LY75: variants seen among roughly 807,000 people sequenced by gnomAD.
LY75 encodes the protein C-type lectin domain family 13 member B.
In LY75, 185 loss-of-function variants were observed where a neutral mutation model predicts 231.7. The observed-to-expected ratio is 0.80, with a 90% CI of 0.71 to 0.90. LY75 has a LOEUF of 0.90. Among genes scored for constraint, LY75 ranks in the 40% least tolerant of loss-of-function variants. LY75 has a pLI of 0.00. For missense variants in LY75, 1,947 were observed against 2,050.2 expected (o/e 0.95, Z 0.97); for synonymous variants, 668 against 689.0 (o/e 0.97, Z 0.48).
At chr2:159,852,386 C>A in intron 20 of LY75, 46 bp from the exon 21 acceptor site, 2 of 1,568,854 alleles carry the variant, frequency 1.3e-6, no homozygotes, top group South Asian at 2.4e-5. Flanking sequence ...ATTTTTCAGT[C>A]AGTACATTTT....
chr2:159,880,983 T>C, intron 8 of LY75, 100 bp downstream of exon 8: 1 of 1,441,618 alleles, frequency 6.9e-7, no homozygotes, highest in Non-Finnish European at 9.3e-7. Flanking sequence ...TCTTACCTTT[T>C]ATTTTCCAGC....
intron 16 of LY75, 31 bp from the exon 17 acceptor site, chr2:159,854,970 T>C: frequency 1.9e-6 from 3 of 1,613,224 alleles, no homozygotes; most frequent in Non-Finnish European, 2.5e-6. Context: ...GTGGCATTAG[T>C]ATTCCATGAC....
rs992159196 is a variant in LY75 at position 159,833,762 on chromosome 2, G to T, written c.3841+282C>A. 2.0e-4 allele frequency among the ~76,000 whole-genome samples: 31 copies of T among 152,268 alleles called. 1 individual carries two copies. The highest frequency in any genetic ancestry group is 9.2e-4 in the Admixed American group (14 of 15,288). On this transcript the variant is annotated intron_variant, in intron 27 of 34. Coordinates refer to ENST00000263636, the MANE Select transcript of LY75 (RefSeq NM_002349.4). ...CCACATGTCATGGGAGGGACCTGGT[G>T]GGAGGTAATTGAATCTTGAGGGTGG...
intron 16 of LY75, among the ~76,000 whole-genome samples, 171 bp from the exon 17 acceptor site, chr2:159,855,110 T>C (rs550010876): frequency 1.1e-4 from 17 of 152,350 alleles, no homozygotes; most frequent in Middle Eastern, 3.4e-3. Flanking sequence ...GTAGGGCCGA[T>C]GCTAAACCTG....
chr2:159,883,371 G>A (rs1422189718), intron 6 of LY75, among the ~76,000 whole-genome samples: 6 of 150,948 alleles, frequency 4.0e-5, no homozygotes, highest in African/African-American at 1.2e-4. Context: ...TTACACTTGC[G>A]AGATAACTCA....
intron 13 of LY75, among the ~76,000 whole-genome samples, chr2:159,865,446 G>A (rs890553347): frequency 4.6e-5 from 7 of 152,046 alleles, no homozygotes; most frequent in Non-Finnish European, 7.4e-5. Flanking sequence ...AATAATTTAA[G>A]TGATTATACT....
intron 28 of LY75, among the ~76,000 whole-genome samples, chr2:159,820,508 C>G (rs1432673361): frequency 6.6e-6 from 1 of 152,036 alleles, no homozygotes; most frequent in African/African-American, 2.4e-5. Context: ...TAAAATGATA[C>G]AATAGACTCT....
At chr2:159,881,268 GT>G in intron 7 of LY75, 28 bp from the exon 8 acceptor site, 1 of 1,598,574 alleles carries the variant, frequency 6.3e-7, no homozygotes, top group Non-Finnish European at 8.5e-7. Flanking sequence ...TATTTGTTTG[GT>G]TTTGCTCAAT....
intron 28 of LY75, among the ~76,000 whole-genome samples, chr2:159,830,292 T>C (rs1256992229): frequency 3.9e-5 from 6 of 152,198 alleles, no homozygotes; most frequent in African/African-American, 1.4e-4. Context: ...TTTCCTTCCC[T>C]ACCCCTGGTT....
At chr2:159,878,551 T>C in intron 10 of LY75, 58 bp from the exon 11 acceptor site, 2 of 1,612,340 alleles carry the variant, frequency 1.2e-6, no homozygotes, top group South Asian at 2.2e-5. Flanking sequence ...TATTTGAAGA[T>C]GCACCTTTTA....
intron 3 of LY75, 71 bp downstream of exon 3, chr2:159,893,843 C>T: frequency 1.3e-6 from 2 of 1,499,406 alleles, no homozygotes; most frequent in East Asian, 2.4e-5. Flanking sequence ...TCACTTTGAA[C>T]TCTTCCTTCT....
chr2:159,900,597 C>T (rs1488018154), intron 1 of LY75, among the ~76,000 whole-genome samples: 2 of 152,182 alleles, frequency 1.3e-5, no homozygotes, highest in African/African-American at 4.8e-5. Flanking sequence ...TAAAAATTCC[C>T]ATACCAGGGA....
intron 23 of LY75, among the ~76,000 whole-genome samples, chr2:159,848,068 G>GTATATATATATATATATA (rs557189751): frequency 2.4e-5 from 3 of 123,884 alleles, no homozygotes; most frequent in African/African-American, 6.9e-5. Flanking sequence ...ATTATGGTGT[G>GTATATATATATATATATA]TATATATATA....
chr2:159,872,294 G>C (rs1172135344), intron 13 of LY75, 157 bp downstream of exon 13: 8 of 851,122 alleles, frequency 9.4e-6, no homozygotes, highest in African/African-American at 3.4e-5. Context: ...CATTAAGAGT[G>C]CTTAATGTTC....
intron 12 of LY75, among the ~76,000 whole-genome samples, chr2:159,873,709 A>G (rs532730495): frequency 6.7e-6 from 1 of 149,200 alleles, no homozygotes; most frequent in Admixed American, 6.7e-5. Flanking sequence ...ATATAAATAT[A>G]TATACATATA....
Position 159,807,094 on chromosome 2 carries a change from T to C in LY75, c.4869A>G (p.Lys1623=), listed in dbSNP as rs1302494642. The change falls in exon 34 of 35, where the codon AAA becomes AAG. Residue 1623 remains lysine (K), a synonymous_variant. Coordinates refer to ENST00000263636, the MANE Select transcript of LY75 (RefSeq NM_002349.4). ...CACCACTCTTACTTTTATTTTCCCA[T>C]TTGACAAATGTCACTTCTGATCCAT... is the stretch of plus-strand genomic sequence containing the variant. ...WLDGSEVTFV[K]WENKSKSGVG... is the part of the protein sequence containing the mutation. The C allele has an allele frequency of 2.5e-6, 4 of 1,613,916 alleles. No individual in the cohort carries two copies. Among genetic ancestry groups the C allele is most frequent in the African/African-American group, 2.7e-5 (2 of 74,930 alleles).
intron 16 of LY75, among the ~76,000 whole-genome samples, chr2:159,855,436 A>G (rs1684520699): frequency 6.6e-6 from 1 of 152,254 alleles, no homozygotes; most frequent in South Asian, 2.1e-4. Context: ...AACAATGTAC[A>G]ATGCTCCAGT....
At position 159,833,951 on chromosome 2, in the gene LY75, C is replaced by T. The variant is rs1683741545; in HGVS notation, c.3841+93G>A. 4 of 1,389,776 alleles carry T rather than the reference C, an allele frequency of 2.9e-6. No individual in the cohort carries two copies. The Admixed American group carries it at 9.8e-5, about 34-fold the overall frequency. 86.1% of individuals were successfully genotyped at this position (1,389,776 alleles called of 1,614,324 possible). The stretch of plus-strand genomic sequence containing the variant: ...GTGAGGCCTCCCCAGCCATGTGGAA[C>T]TGTGAGGCCATTAAACCTCTTTTTC... On this transcript the variant is annotated intron_variant, in intron 27 of 34. Coordinates refer to ENST00000263636, the MANE Select transcript of LY75 (RefSeq NM_002349.4).
In LY75 at chr2:159,842,373, A is replaced by G. The variant is rs977819285; in HGVS notation, c.3152T>C (p.Phe1051Ser). The G allele has an allele frequency of 1.1e-5, 17 of 1,607,356 alleles. No homozygotes were observed. Among genetic ancestry groups the G allele is most frequent in the Non-Finnish European group, 1.4e-5 (17 of 1,176,312 alleles). ...GTGGTAGCGAGACTCTTCCTCAAAA[A>G]ACTAAACAAAAAGGCAAATACATAC... is the stretch of plus-strand genomic sequence containing the variant. ...VSGRLRIPEN[F>S]FEEESRYHCA... Residue 1051 changes from phenylalanine to serine, a missense_variant and splice_region_variant, in exon 24 of 35, where the codon TTT becomes TCT. By Grantham distance (155) the Phe-to-Ser change is radical. Coordinates refer to ENST00000263636, the MANE Select transcript of LY75 (RefSeq NM_002349.4).
Sources: gnomAD v4.1 joint callset for allele counts (sites outside exome capture counted in the v4.1 genomes callset) on GRCh38, gnomAD v4.1.1 for gene constraint, MANE v1.5 for transcripts, NCBI Gene and HGNC (gene_info 2026-07-23, HGNC 2026-07-21) for gene names.